BAG4: variants seen among roughly 807,000 people sequenced by gnomAD.
BAG4 encodes the protein BAG cochaperone 4, also known as BAG family molecular chaperone regulator 4.
BAG4 carries 28 observed loss-of-function variants against 52.1 expected under a neutral mutation model. The observed-to-expected ratio is 0.54, with a 90% confidence interval of 0.40 to 0.74. The LOEUF (loss-of-function observed/expected upper bound fraction) is 0.74, where lower values mean the gene tolerates loss of function less well. Ranked by LOEUF, BAG4 falls within the 30% of genes least tolerant of loss-of-function variation. The pLI is 0.00. For synonymous variants in BAG4, 208 were observed against 217.0 expected, an observed-to-expected ratio of 0.96 and a Z score of 0.37; for missense variants, 525 against 572.0, an observed-to-expected ratio of 0.92 and a Z score of 0.84.
Position 38,210,473 on chromosome 8 carries a change from T to C in BAG4, c.1354T>C (p.Leu452=). The stretch of plus-strand genomic sequence containing the variant: ...TAAGATTCAGGCCATACTGGAAAAA[T>C]TAGAAAAAAAAGGATTATGAAAGGA... ...VCKIQAILEK[L]EKKGL is the part of the protein sequence containing the mutation. The change falls in exon 5 of 5, where the codon TTA becomes CTA. Residue 452 remains leucine, a synonymous_variant. Transcript: ENST00000287322. The C allele has an allele frequency of 6.4e-7, 1 of 1,570,768 alleles. No individual in the cohort carries two copies. The highest frequency in any genetic ancestry group is 1.7e-4 in the Middle Eastern group (1 of 5,826).
At chr8:38,198,216 C>T (rs1803597536) in intron 2 of BAG4, among the ~76,000 whole-genome samples, 1 of 150,874 alleles carries the variant, frequency 6.6e-6, no homozygotes, top group Non-Finnish European at 1.5e-5. Context: ...AACCCCGTCT[C>T]TGCTAAAAAT....
Position 38,192,798 on chromosome 8 carries a change from A to G in BAG4, c.378+3A>G, listed in dbSNP as rs1367180770. 1.3e-6 allele frequency: 2 copies of G among 1,577,514 alleles called. No homozygotes were observed. Among genetic ancestry groups the G allele is most frequent in the Non-Finnish European group, 1.7e-6 (2 of 1,161,904 alleles). On this transcript the variant is annotated splice_donor_region_variant and intron_variant, in intron 2 of 4. Transcript: ENST00000287322. ...TAAGACCAGAATTGCAAGGCCAGGT[A>G]TGGTTTAAAAACAGAGACTTTCTGA...
At chr8:38,177,286 T>C (rs1803177125) in intron 1 of BAG4, 147 bp downstream of exon 1, 2 of 1,109,772 alleles carry the variant, frequency 1.8e-6, no homozygotes, top group African/African-American at 1.6e-5. Flanking sequence ...AGATCAGAGG[T>C]TGGGGGGACA....
Position 38,177,037 on chromosome 8 carries a change from C to G in BAG4, c.168C>G (p.Gly56=), listed in dbSNP as rs551632963. The change falls in exon 1 of 5, where the codon GGC becomes GGG. Residue 56 remains glycine, a synonymous_variant. Transcript: ENST00000287322. ...TTTCCTGGCGGGTGCGCGGGGGCGG[C>G]CCGGCGGAGACCACCTGGCTGGGAG... The part of the protein sequence containing the change: ...PPISWRVRGG[G]PAETTWLGEG... 3.1e-4 allele frequency: 501 copies of G among 1,605,038 alleles called. 4 individuals are homozygous for G. In the South Asian group the frequency reaches 5.3e-3, roughly 17 times the overall value.
At chr8:38,196,790 C>T (rs1490779305) in intron 2 of BAG4, among the ~76,000 whole-genome samples, 1 of 149,684 alleles carries the variant, frequency 6.7e-6, no homozygotes, top group African/African-American at 2.5e-5. Context: ...TATTTAGATT[C>T]TTTGGGCCTG....
chr8:38,196,736 A>G (rs568191451), intron 2 of BAG4, among the ~76,000 whole-genome samples: 1 of 151,940 alleles, frequency 6.6e-6, no homozygotes, highest in African/African-American at 2.4e-5. Context: ...AGCATCTTTT[A>G]GTGTGCTTAT....
intron 1 of BAG4, among the ~76,000 whole-genome samples, chr8:38,187,143 A>G (rs1803376494): frequency 6.6e-6 from 1 of 152,240 alleles, no homozygotes; most frequent in Non-Finnish European, 1.5e-5. Flanking sequence ...ATAGACAAAG[A>G]CTTCAAAGTA....
rs190161290 is a variant in BAG4 at position 38,193,445 on chromosome 8, A to C, written c.378+650A>C. 1.6e-3 allele frequency among the ~76,000 whole-genome samples: 247 copies of C among 151,732 alleles called. 2 individuals carry two copies. Among genetic ancestry groups the C allele is most frequent in the African/African-American group, 5.6e-3 (231 of 41,384 alleles). Reference sequence around the variant, plus strand: ...AACAAAAAACAAACAAAAAAACCCCACGAAAATCTAGCATGCAGATTTGTC... The same window carrying C: ...AACAAAAAACAAACAAAAAAACCCCCCGAAAATCTAGCATGCAGATTTGTC... On this transcript the variant is annotated intron_variant, in intron 2 of 4. Transcript: ENST00000287322.
rs1803171102 is a variant in BAG4, at chr8:38,177,073, A to G, written c.204A>G (p.Gly68=). The change falls in exon 1 of 5, where the codon GGA becomes GGG. Residue 68 remains glycine, a synonymous_variant. Transcript: ENST00000287322. ...CCACCTGGCTGGGAGAAGGCGGAGG[A>G]GGCGATGGCTACTATCCCTCGGGAG... ...AETTWLGEGG[G]GDGYYPSGGA... 6.2e-7 allele frequency: 1 copy of G among 1,611,844 alleles called. No homozygotes were observed. Among genetic ancestry groups the G allele is most frequent in the Non-Finnish European group, 8.5e-7 (1 of 1,179,562 alleles).
intron 2 of BAG4, among the ~76,000 whole-genome samples, chr8:38,199,826 T>C (rs1803630222): frequency 6.6e-6 from 1 of 151,660 alleles, no homozygotes; most frequent in Admixed American, 6.6e-5. Flanking sequence ...CCCAGCCCGA[T>C]TTCTTCTCAG....
At chr8:38,182,178 TAA>T (rs1425811775) in intron 1 of BAG4, among the ~76,000 whole-genome samples, 1 of 152,180 alleles carries the variant, frequency 6.6e-6, no homozygotes, top group African/African-American at 2.4e-5. Context: ...TTTGAAAAGT[TAA>T]AAAATTATGA....
chr8:38,191,965 G>A (rs1359157692), intron 1 of BAG4, among the ~76,000 whole-genome samples: 4 of 152,088 alleles, frequency 2.6e-5, no homozygotes, highest in East Asian at 3.8e-4. Flanking sequence ...AATTATTGTC[G>A]TAGCTAGATT....
At chr8:38,190,081 A>G (rs74302881) in intron 1 of BAG4, among the ~76,000 whole-genome samples, 30,381 of 152,128 alleles carry the variant, frequency 0.2, 3,444 homozygotes, top group East Asian at 0.31. Context: ...CGCTGCACCC[A>G]GCCAAATTAT....
intron 3 of BAG4, among the ~76,000 whole-genome samples, chr8:38,208,619 G>GT (rs1198138901): frequency 6.6e-6 from 1 of 152,044 alleles, no homozygotes. Context: ...CCAGGTTCAT[G>GT]TTTTTTTAAT....
rs35851034 is a variant in BAG4 at position 38,191,760 on chromosome 8, CAAAAAAAAAAA to C, written c.271-916_271-906del. Among the ~76,000 whole-genome samples the C allele has an allele frequency of 6.9e-5, 5 of 72,620 alleles. No homozygotes were observed. The South Asian group carries it at 2.1e-3, about 31-fold the overall frequency. 47.6% of individuals were successfully genotyped at this position (72,620 alleles called of 152,430 possible). A position where few individuals can be genotyped will look rare whatever the true frequency, so the allele number is the denominator to read the frequency against. On this transcript the variant is annotated intron_variant, in intron 1 of 4. Transcript: ENST00000287322. ...GGGCAACAAGAGCGAAACTCTGTCTCAAAAAAAAAAAAAAAAAAAAAACCCTAAATCTATAC... is the reference window on the plus strand; with the variant it reads ...GGGCAACAAGAGCGAAACTCTGTCTCAAAAAAAAAAACCCTAAATCTATAC...
At chr8:38,189,878 C>G (rs943015739) in intron 1 of BAG4, among the ~76,000 whole-genome samples, 1 of 152,058 alleles carries the variant, frequency 6.6e-6, no homozygotes, top group Non-Finnish European at 1.5e-5. Context: ...AGTGCAGTGG[C>G]GTGATCTAGG....
intron 1 of BAG4, among the ~76,000 whole-genome samples, chr8:38,191,054 T>C (rs1585656305): frequency 6.6e-6 from 1 of 152,096 alleles, no homozygotes; most frequent in East Asian, 1.9e-4. Context: ...CCACTGTGCC[T>C]GGCCAAGTTG....
intron 2 of BAG4, among the ~76,000 whole-genome samples, chr8:38,195,674 C>G (rs1199479351): frequency 6.6e-6 from 1 of 152,160 alleles, no homozygotes; most frequent in Non-Finnish European, 1.5e-5. Context: ...TTAGTACTTA[C>G]CACAAACTTT....
chr8:38,196,839 G>A (rs553513153), intron 2 of BAG4, among the ~76,000 whole-genome samples: 2 of 152,222 alleles, frequency 1.3e-5, no homozygotes, highest in Admixed American at 6.5e-5. Context: ...CACTTTGGGA[G>A]GCCAAGGTGG....
Sources: allele counts gnomAD v4.1 joint callset (sites outside exome capture counted in the v4.1 genomes callset), GRCh38; gene constraint gnomAD v4.1.1; transcripts MANE v1.5; gene names NCBI Gene and HGNC (gene_info 2026-07-23, HGNC 2026-07-21).